Variants in DLG2 observed in about 807,000 individuals in gnomAD.
DLG2 encodes the protein discs large MAGUK scaffold protein 2.
In DLG2, 45 loss-of-function variants were observed where a neutral mutation model predicts 132.5. The ratio of observed to expected loss-of-function variants is 0.34; its 90% confidence interval spans 0.27 to 0.44. The LOEUF is 0.44. DLG2 is among the 20% of genes least tolerant of loss of function. The pLI, the probability that DLG2 is intolerant of heterozygous loss-of-function variation, is 1.00. For missense variants in DLG2, 1,045 were observed against 1,196.9 expected (o/e 0.87, Z 1.87); for synonymous variants, 424 against 419.6 (o/e 1.01, Z -0.13).
chr11:83,604,675 G>A (rs1315526579), intron 19 of DLG2, among the ~76,000 whole-genome samples: 2 of 152,138 alleles, frequency 1.3e-5, no homozygotes, highest in African/African-American at 4.8e-5. Context: ...GTCAATGCAG[G>A]TTCATCAACC....
intron 7 of DLG2, among the ~76,000 whole-genome samples, chr11:84,398,418 A>T (rs2098818208): frequency 6.6e-6 from 1 of 152,218 alleles, no homozygotes; most frequent in South Asian, 2.1e-4. Context: ...TTTTGGAAGT[A>T]ATCATCAAAA....
At chr11:85,259,801 T>A (rs567411646) in intron 4 of DLG2, among the ~76,000 whole-genome samples, 1 of 152,210 alleles carries the variant, frequency 6.6e-6, no homozygotes, top group East Asian at 1.9e-4. Context: ...CCTCACTATT[T>A]TTTTCAGGCA....
chr11:85,221,709 T>G (rs181479992), intron 4 of DLG2, among the ~76,000 whole-genome samples: 41 of 152,326 alleles, frequency 2.7e-4, no homozygotes, highest in Admixed American at 4.6e-4. Flanking sequence ...TGATCTTTAT[T>G]TTGCAGTTGA....
chr11:83,750,944 T>C (rs969152233), intron 18 of DLG2, among the ~76,000 whole-genome samples: 1 of 152,226 alleles, frequency 6.6e-6, no homozygotes. Flanking sequence ...TACTAGGCAC[T>C]AGAGGTTCAA....
intron 19 of DLG2, among the ~76,000 whole-genome samples, chr11:83,573,639 G>A (rs1034238355): frequency 7.2e-5 from 11 of 152,140 alleles, no homozygotes; most frequent in African/African-American, 2.4e-4. Flanking sequence ...ATTTTATTGA[G>A]AAGAGTAGAT....
chr11:83,799,355 GAACAACTCTGGC>G (rs1313385374), intron 17 of DLG2, among the ~76,000 whole-genome samples: 1 of 152,212 alleles, frequency 6.6e-6, no homozygotes, highest in Non-Finnish European at 1.5e-5. Context: ...GTTTATGGGA[GAACAACTCTGGC>G]AACAGTGAGA....
At chr11:84,772,506 GC>G (rs2069606001) in intron 6 of DLG2, among the ~76,000 whole-genome samples, 1 of 152,062 alleles carries the variant, frequency 6.6e-6, no homozygotes, top group South Asian at 2.1e-4. Context: ...CTTCTCATCT[GC>G]ACATGGAACA....
chr11:83,652,246 T>A (rs563039176), intron 18 of DLG2, among the ~76,000 whole-genome samples: 2 of 152,268 alleles, frequency 1.3e-5, no homozygotes, highest in African/African-American at 4.8e-5. Context: ...CCTGCACTTG[T>A]TCTGTTTTTT....
chr11:83,503,882 A>G (rs1009387099), intron 21 of DLG2, among the ~76,000 whole-genome samples: 7 of 152,126 alleles, frequency 4.6e-5, no homozygotes, highest in Non-Finnish European at 1.0e-4. Flanking sequence ...GAACCCATAC[A>G]CATCTTCTGA....
At chr11:85,018,759 G>A (rs1592759022) in intron 6 of DLG2, among the ~76,000 whole-genome samples, 1 of 148,760 alleles carries the variant, frequency 6.7e-6, no homozygotes, top group Admixed American at 6.7e-5. Context: ...AAACGTGAAT[G>A]AAAAATTTTA....
intron 3 of DLG2, among the ~76,000 whole-genome samples, chr11:85,333,047 C>T (rs1247521411): frequency 1.3e-5 from 2 of 152,058 alleles, no homozygotes; most frequent in Non-Finnish European, 2.9e-5. Flanking sequence ...GATCGTATGG[C>T]CATTTTAACA....
intron 3 of DLG2, among the ~76,000 whole-genome samples, chr11:85,389,782 G>C (rs1218297752): frequency 1.3e-5 from 2 of 152,066 alleles, no homozygotes; most frequent in Non-Finnish European, 2.9e-5. Flanking sequence ...ATGAAGGAAA[G>C]ATACAGTCTT....
intron 3 of DLG2, among the ~76,000 whole-genome samples, chr11:85,298,230 T>C (rs1426848443): frequency 1.3e-5 from 2 of 152,156 alleles, no homozygotes; most frequent in African/African-American, 2.4e-5. Flanking sequence ...CAATGAATTA[T>C]ATAGTGTTAG....
chr11:84,996,250 T>C (rs1190989863), intron 6 of DLG2, among the ~76,000 whole-genome samples: 1 of 152,148 alleles, frequency 6.6e-6, no homozygotes, highest in African/African-American at 2.4e-5. Context: ...TTAAATCATA[T>C]ATTTCTTCCA....
chr11:84,285,774 T>C (rs921871247), intron 7 of DLG2, among the ~76,000 whole-genome samples: 1 of 152,220 alleles, frequency 6.6e-6, no homozygotes, highest in Admixed American at 6.5e-5. Flanking sequence ...TTTGTGACTA[T>C]TGTGTGATGT....
chr11:84,653,436 A>G (rs1222528250), intron 6 of DLG2, among the ~76,000 whole-genome samples: 1 of 152,164 alleles, frequency 6.6e-6, no homozygotes, highest in African/African-American at 2.4e-5. Flanking sequence ...GTCTCCTTAC[A>G]TAGTCAGTTA....
At chr11:85,203,615 AAAG>A (rs2081630752) in intron 4 of DLG2, among the ~76,000 whole-genome samples, 1 of 152,098 alleles carries the variant, frequency 6.6e-6, no homozygotes, top group Admixed American at 6.6e-5. Flanking sequence ...CCAAACATTT[AAAG>A]AAGAACTAAC....
At chr11:85,066,340 G>C (rs1048504474) in intron 6 of DLG2, among the ~76,000 whole-genome samples, 12 of 151,522 alleles carry the variant, frequency 7.9e-5, no homozygotes, top group Non-Finnish European at 1.6e-4. Flanking sequence ...AGTGACAGAG[G>C]GATTCATAGC....
intron 6 of DLG2, among the ~76,000 whole-genome samples, chr11:84,573,869 G>C (rs2099491923): frequency 6.6e-6 from 1 of 152,130 alleles, no homozygotes; most frequent in Admixed American, 6.6e-5. Context: ...CAAACTCTGA[G>C]TCATGCACAA....
Sources: gnomAD v4.1 joint callset for allele counts (sites outside exome capture counted in the v4.1 genomes callset) on GRCh38, gnomAD v4.1.1 for gene constraint, MANE v1.5 for transcripts, NCBI Gene and HGNC (gene_info 2026-07-23, HGNC 2026-07-21) for gene names.